The following HROB variants were observed in gnomAD, a reference collection of about 807,000 sequenced individuals.
HROB encodes homologous recombination OB-fold protein.
In HROB, 44 loss-of-function variants were observed where a neutral mutation model predicts 61.0. The observed-to-expected ratio is 0.72, with a 90% confidence interval of 0.57 to 0.93. HROB has a LOEUF of 0.93. Ranked by LOEUF, HROB falls within the 40% of genes least tolerant of loss-of-function variation. The pLI, the probability that HROB is intolerant of heterozygous loss-of-function variation, is 0.00. For missense variants in HROB, 716 were observed against 796.2 expected (o/e 0.90, Z 1.21); for synonymous variants, 301 against 310.4 (o/e 0.97, Z 0.32).
intron 1 of HROB, among the ~76,000 whole-genome samples, chr17:44,143,146 C>T (rs1366365586): frequency 6.6e-6 from 1 of 152,104 alleles, no homozygotes; most frequent in South Asian, 2.1e-4. Context: ...CTTTGTTGGC[C>T]AGGCTGTTCT....
intron 3 of HROB, 67 bp downstream of exon 3, chr17:44,149,094 C>G: frequency 7.0e-7 from 1 of 1,425,350 alleles, no homozygotes; most frequent in Non-Finnish European, 9.5e-7. Flanking sequence ...CACTGTCCAG[C>G]CCTAGCATAT....
Position 44,158,053 on chromosome 17 carries a change from T to C in HROB, c.1879+112T>C, listed in dbSNP as rs1317779884. On this transcript the variant is annotated intron_variant, in intron 9 of 9. Transcript: ENST00000585683. ...CCTCTTTCCATGAATCTTTGGATCT[T>C]ATATAATCTTACAGAAATCAGATAC... is the stretch of plus-strand genomic sequence containing the variant. 4.0e-6 allele frequency: 3 copies of C among 753,504 alleles called. No homozygotes were observed. In the African/African-American group the frequency reaches 5.4e-5, roughly 13 times the overall value. 46.7% of individuals were successfully genotyped at this position (753,504 alleles called of 1,614,324 possible).
At position 44,151,053 on chromosome 17, in the gene HROB, T is replaced by C. The variant is rs2053789784; in HGVS notation, c.1308+9T>C. ...CTAAATTCCAGACAGAGGTAACTTA[T>C]GCAAATGTTAACTTTCTGGGTGTGA... is the stretch of plus-strand genomic sequence containing the variant. On this transcript the variant is annotated intron_variant, in intron 4 of 9. Coordinates refer to ENST00000585683, the MANE Select transcript of HROB (RefSeq NM_001171251.3). 2 of 1,605,052 alleles carry C rather than the reference T, an allele frequency of 1.2e-6. No homozygotes were observed. Among genetic ancestry groups the C allele is most frequent in the South Asian group, 1.1e-5 (1 of 90,818 alleles).
intron 9 of HROB, among the ~76,000 whole-genome samples, chr17:44,159,080 G>A (rs758948250): frequency 5.3e-5 from 8 of 152,134 alleles, no homozygotes; most frequent in Non-Finnish European, 8.8e-5. Flanking sequence ...ATGACCTACC[G>A]TGCCCAGCCT....
In HROB at chr17:44,157,894, A is replaced by G. The variant is rs987292501; in HGVS notation, c.1832A>G (p.Gln611Arg). The G allele has an allele frequency of 6.2e-7, 1 of 1,613,768 alleles. No individual in the cohort carries two copies. Residue 611 changes from glutamine (Q) to arginine (R), a missense_variant, in exon 9 of 10, where the codon CAG becomes CGG. Gln to Arg is a conservative substitution (Grantham distance 43, BLOSUM62 1). Coordinates refer to ENST00000585683, the MANE Select transcript of HROB (RefSeq NM_001171251.3). The stretch of plus-strand genomic sequence containing the variant: ...CCCGAGGAAGGCTTCAGAACAGCAC[A>G]GAACCTAGAGGCAGAGGCGTCCCCT... ...AKPEEGFRTA[Q>R]NLEAEASPEE...
At position 44,146,493 on chromosome 17, in the gene HROB, A is replaced by G. The variant is rs113771306; in HGVS notation, c.54+1240A>G. ...TGACCCTCTTGGGTCTTACAAGGTGATGATGGGACTGCTAAGTGAGTAATG... is the reference window on the plus strand; with the variant it reads ...TGACCCTCTTGGGTCTTACAAGGTGGTGATGGGACTGCTAAGTGAGTAATG... On this transcript the variant is annotated intron_variant, in intron 2 of 9. Transcript: ENST00000585683. Among the ~76,000 whole-genome samples the G allele has an allele frequency of 1.5e-3, 233 of 152,282 alleles. 4 individuals carry two copies. Among genetic ancestry groups the G allele is most frequent in the African/African-American group, 5.4e-3 (224 of 41,568 alleles).
chr17:44,145,766 T>A (rs227579), intron 2 of HROB, among the ~76,000 whole-genome samples: 64,708 of 152,158 alleles, frequency 0.43, 16,779 homozygotes, highest in African/African-American at 0.72. Context: ...TGAGACTAGA[T>A]CCAAAGCTCG....
intron 4 of HROB, among the ~76,000 whole-genome samples, chr17:44,151,900 G>T (rs1474981431): frequency 6.6e-6 from 1 of 152,046 alleles, no homozygotes; most frequent in Non-Finnish European, 1.5e-5. Flanking sequence ...AGGCTGGAGT[G>T]CAGTGTCGTG....
intron 2 of HROB, among the ~76,000 whole-genome samples, chr17:44,147,048 TGAGAGA>T (rs1555558320): frequency 6.7e-6 from 1 of 149,208 alleles, no homozygotes; most frequent in East Asian, 2.0e-4. Context: ...TGTGTGTGTG[TGAGAGA>T]GAGAGAGAGA....
intron 3 of HROB, 46 bp downstream of exon 3, chr17:44,149,073 C>T (rs923678524): frequency 9.1e-6 from 14 of 1,544,282 alleles, no homozygotes; most frequent in Non-Finnish European, 1.2e-5. Flanking sequence ...GGGAGAGAAG[C>T]AGGGTTCCAG....
intron 9 of HROB, 118 bp from the exon 10 acceptor site, chr17:44,161,753 C>T: frequency 9.2e-7 from 1 of 1,089,696 alleles, no homozygotes; most frequent in South Asian, 1.3e-5. Context: ...CCTGGAGGAG[C>T]CGCCTGCCCA....
In HROB at chr17:44,154,539, CCT is replaced by C. The variant is rs1225986923; in HGVS notation, c.1450-13_1450-12del. On this transcript the variant is annotated splice_polypyrimidine_tract_variant and intron_variant, in intron 5 of 9. Transcript: ENST00000585683. ...TGGGCCGTGGAAGGCTCAGCATATG[CCT>C]CTCCTTGTAAGCAGGCAGCCCTGAA... is the stretch of plus-strand genomic sequence containing the variant. The C allele has an allele frequency of 6.2e-7, 1 of 1,613,520 alleles. No individual in the cohort carries two copies. The highest frequency in any genetic ancestry group is 1.3e-5 in the African/African-American group (1 of 74,910).
intron 1 of HROB, 37 bp downstream of exon 1, chr17:44,142,182 A>C: frequency 5.3e-6 from 8 of 1,499,642 alleles, no homozygotes; most frequent in Non-Finnish European, 7.1e-6. Flanking sequence ...GGCGGGCCGC[A>C]GGGCCCCCTG....
At chr17:44,146,812 G>C (rs982948811) in intron 2 of HROB, among the ~76,000 whole-genome samples, 2 of 152,112 alleles carry the variant, frequency 1.3e-5, no homozygotes, top group African/African-American at 4.8e-5. Context: ...AGCAGAGGGT[G>C]GGGGTGGTGG....
chr17:44,149,739 A>G (rs2053741218), intron 3 of HROB, among the ~76,000 whole-genome samples: 1 of 152,214 alleles, frequency 6.6e-6, no homozygotes, highest in East Asian at 1.9e-4. Flanking sequence ...TATGTGTTGG[A>G]CAATTTGCTT....
Position 44,148,201 on chromosome 17 carries a change from C to T in HROB, c.398C>T (p.Ala133Val), listed in dbSNP as rs1455106287. The T allele has an allele frequency of 6.2e-7, 1 of 1,614,088 alleles. No homozygotes were observed. The highest frequency in any genetic ancestry group is 1.7e-5 in the Admixed American group (1 of 60,002). Residue 133 changes from alanine (A) to valine (V), a missense_variant, in exon 3 of 10, where the codon GCC (alanine) becomes GTC (valine). Transcript: ENST00000585683. ...LRETARPQSS[A>V]LHPLLTFESQ... is the part of the protein sequence containing the mutation. ...GAGACAGCAAGACCTCAGTCCTCAG[C>T]CTTACACCCCCTACTCACCTTTGAG...
chr17:44,148,864 G>T lies in HROB; in HGVS notation c.1061G>T (p.Gly354Val), dbSNP rs1345716066. 1.2e-6 allele frequency: 2 copies of T among 1,614,078 alleles called. No homozygotes were observed. The highest frequency in any genetic ancestry group is 8.5e-7 in the Non-Finnish European group (1 of 1,180,024). Reference sequence around the variant, plus strand: ...GTGTCTTCCATTGGGTCTCCTGTTGGTACCCCAAAAGGTCCCCAGGGAGCT... The same window carrying T: ...GTGTCTTCCATTGGGTCTCCTGTTGTTACCCCAAAAGGTCCCCAGGGAGCT... ...APVSSIGSPV[G>V]TPKGPQGALQ... Residue 354 changes from glycine to valine, a missense_variant, in exon 3 of 10, where the codon GGT (glycine) becomes GTT (valine). Transcript: ENST00000585683.
Position 44,142,017 on chromosome 17 carries a change from C to T in HROB, c.-126C>T. 6 of 1,347,386 alleles carry T rather than the reference C, an allele frequency of 4.5e-6. No homozygotes were observed. Among genetic ancestry groups the T allele is most frequent in the Non-Finnish European group, 6.0e-6 (6 of 992,538 alleles). The allele number at this position is 1,347,386 out of a possible 1,614,324, so 83.5% of individuals were successfully genotyped here. On this transcript the variant is annotated 5_prime_UTR_variant, in exon 1 of 10. Transcript: ENST00000585683. ...ATATCGCAGAGACTCATCCCTCTGA[C>T]CCCAGCCCGGAAGCACTGTCCCTCG... is the stretch of plus-strand genomic sequence containing the variant.
Position 44,145,201 on chromosome 17 carries a change from A to G in HROB, c.4-2A>G. On this transcript the variant is annotated splice_acceptor_variant, in intron 1 of 9. Transcript: ENST00000585683. LOFTEE classifies it high-confidence loss of function. ...ACCCCAGTTGGTTTTTTTTCTTTTC[A>G]GGCGTGCAGTTTGCAGAAGCTGTTT... 1 of 1,613,508 alleles carries G rather than the reference A, an allele frequency of 6.2e-7. No individual in the cohort carries two copies. Among genetic ancestry groups the G allele is most frequent in the Non-Finnish European group, 8.5e-7 (1 of 1,179,664 alleles).
Sources: allele counts gnomAD v4.1 joint callset (sites outside exome capture counted in the v4.1 genomes callset), GRCh38; gene constraint gnomAD v4.1.1; transcripts MANE v1.5; gene names NCBI Gene and HGNC (gene_info 2026-07-23, HGNC 2026-07-21).